SLIT3: variants seen among roughly 807,000 people sequenced by gnomAD.
SLIT3 encodes slit homolog 3 protein.
In SLIT3, 68 loss-of-function variants were observed where a neutral mutation model predicts 184.0. The ratio of observed to expected loss-of-function variants is 0.37; its 90% confidence interval spans 0.30 to 0.45. The LOEUF is 0.45. Ranked by LOEUF, SLIT3 falls within the 20% of genes least tolerant of loss-of-function variation. The pLI is 1.00. For missense variants in SLIT3, 1,707 were observed against 2,026.0 expected, an observed-to-expected ratio of 0.84 and a Z score of 3.02; for synonymous variants, 831 against 828.6, an observed-to-expected ratio of 1.00 and a Z score of -0.05.
In SLIT3 at chr5:168,662,780, CT is replaced by C. The variant is rs1760911992; in HGVS notation, c.*3673del. 1 of 152,256 alleles carries C rather than the reference CT, an allele frequency of 6.6e-6. No homozygotes were observed. Among genetic ancestry groups the C allele is most frequent in the African/African-American group, 2.4e-5 (1 of 41,456 alleles). 9.4% of individuals were successfully genotyped at this position (152,256 alleles called of 1,614,324 possible). ...TCAGGGGGGACACAGCTTGAGCGGC[CT>C]CTTCTGCCCACGTACATTGCCACAC... On this transcript the variant is annotated 3_prime_UTR_variant, in exon 36 of 36. Transcript: ENST00000519560.
At chr5:169,276,947 G>T (rs754431) in intron 1 of SLIT3, among the ~76,000 whole-genome samples, 1 of 152,022 alleles carries the variant, frequency 6.6e-6, no homozygotes, top group East Asian at 1.9e-4. Flanking sequence ...ATTTTTAAGC[G>T]CACAGTTTAG....
At chr5:169,166,320 G>A (rs1032925315) in intron 4 of SLIT3, among the ~76,000 whole-genome samples, 4 of 152,104 alleles carry the variant, frequency 2.6e-5, no homozygotes, top group African/African-American at 4.8e-5. Context: ...TTCTCTCAAC[G>A]TGTTCATGCT....
At chr5:169,246,671 AGCATTTTG>A (rs1369299458) in intron 2 of SLIT3, among the ~76,000 whole-genome samples, 3 of 152,070 alleles carry the variant, frequency 2.0e-5, no homozygotes, top group Non-Finnish European at 4.4e-5. Flanking sequence ...CTGTAATACC[AGCATTTTG>A]GGAGGCTGAG....
rs552777349 is a variant in SLIT3, at chr5:169,120,757, C to T, written c.413+72722G>A. On this transcript the variant is annotated intron_variant, in intron 4 of 35. Coordinates refer to ENST00000519560, the MANE Select transcript of SLIT3 (RefSeq NM_003062.4). ...AGAGCTGCATCCTACCTGTGCTCAGCCCCCAGTAGGTCTTCTATTTTCCCT... is the reference window on the plus strand; with the variant it reads ...AGAGCTGCATCCTACCTGTGCTCAGTCCCCAGTAGGTCTTCTATTTTCCCT... Among the ~76,000 whole-genome samples, 4 of 152,294 alleles carry T rather than the reference C, an allele frequency of 2.6e-5. No homozygotes were observed. In the South Asian group the frequency reaches 6.2e-4, roughly 24 times the overall value.
In SLIT3 at chr5:168,672,205, C is replaced by T. The variant is rs578150344; in HGVS notation, c.3842-722G>A. Among the ~76,000 whole-genome samples the T allele has an allele frequency of 1.1e-4, 17 of 152,274 alleles. No individual in the cohort carries two copies. In the East Asian group the frequency reaches 1.5e-3, roughly 14 times the overall value. ...CCTGGAGCAGGTGGGGCACAGGGCACGGTCCTCCTCCAGGGATAAGTGGTG... is the reference window on the plus strand; with the variant it reads ...CCTGGAGCAGGTGGGGCACAGGGCATGGTCCTCCTCCAGGGATAAGTGGTG... On this transcript the variant is annotated intron_variant, in intron 33 of 35. Coordinates refer to ENST00000519560, the MANE Select transcript of SLIT3 (RefSeq NM_003062.4).
chr5:168,771,170 A>T (rs1755538604), intron 14 of SLIT3, among the ~76,000 whole-genome samples: 1 of 152,132 alleles, frequency 6.6e-6, no homozygotes, highest in Admixed American at 6.5e-5. Flanking sequence ...CAGGGGTAGG[A>T]ATAGAGGCCA....
chr5:168,900,806 T>G (rs2113827029), intron 4 of SLIT3, among the ~76,000 whole-genome samples: 1 of 152,340 alleles, frequency 6.6e-6, no homozygotes, highest in African/African-American at 2.4e-5. Context: ...TCATGTCTTT[T>G]GCAGCAACAT....
chr5:168,722,024 G>C (rs1349458904), intron 23 of SLIT3, among the ~76,000 whole-genome samples: 2 of 152,138 alleles, frequency 1.3e-5, no homozygotes, highest in African/African-American at 4.8e-5. Flanking sequence ...AAGTTGAAGG[G>C]GCTCAGTGAT....
intron 35 of SLIT3, among the ~76,000 whole-genome samples, chr5:168,668,073 C>T (rs557868279): frequency 3.9e-5 from 6 of 152,250 alleles, no homozygotes; most frequent in African/African-American, 1.2e-4. Flanking sequence ...CCTCAAGGCA[C>T]GGGGTGGACT....
At chr5:169,090,959 G>T (rs1316241431) in intron 4 of SLIT3, among the ~76,000 whole-genome samples, 5 of 152,186 alleles carry the variant, frequency 3.3e-5, no homozygotes, top group African/African-American at 1.2e-4. Flanking sequence ...TCCCAAAACA[G>T]CATCCCTGGC....
intron 4 of SLIT3, among the ~76,000 whole-genome samples, chr5:168,997,920 C>T (rs62378628): frequency 0.035 from 5,361 of 152,236 alleles, 119 homozygotes; most frequent in Middle Eastern, 0.051. Flanking sequence ...ATCAGGGCTC[C>T]ATTCTTCATG....
At chr5:168,684,572 C>T (rs941982714) in intron 31 of SLIT3, among the ~76,000 whole-genome samples, 1 of 152,016 alleles carries the variant, frequency 6.6e-6, no homozygotes, top group African/African-American at 2.4e-5. Context: ...TGGGTTCAAG[C>T]GTTTCTGGTG....
intron 22 of SLIT3, among the ~76,000 whole-genome samples, 194 bp downstream of exon 22, chr5:168,722,739 T>G (rs973855361): frequency 3.3e-5 from 5 of 152,254 alleles, no homozygotes; most frequent in African/African-American, 1.2e-4. Context: ...CTAGTTCCTC[T>G]CTAACTGCCT....
At chr5:168,834,083 G>C (rs372240322) in intron 6 of SLIT3, among the ~76,000 whole-genome samples, 3 of 152,294 alleles carry the variant, frequency 2.0e-5, no homozygotes, top group African/African-American at 7.2e-5. Flanking sequence ...GGCAGGGCCG[G>C]CTCTTTTTCT....
intron 4 of SLIT3, among the ~76,000 whole-genome samples, chr5:169,187,354 G>T (rs1218086909): frequency 6.6e-6 from 1 of 151,574 alleles, no homozygotes. Context: ...CTCGTCATCC[G>T]CCCACCTTGG....
At chr5:169,128,283 T>C (rs997635854) in intron 4 of SLIT3, among the ~76,000 whole-genome samples, 1 of 148,118 alleles carries the variant, frequency 6.8e-6, no homozygotes, top group Non-Finnish European at 1.5e-5. Flanking sequence ...TTTATATATA[T>C]ATATATAATT....
At chr5:168,807,787 A>G (rs942353433) in intron 8 of SLIT3, among the ~76,000 whole-genome samples, 2 of 152,166 alleles carry the variant, frequency 1.3e-5, no homozygotes, top group Non-Finnish European at 1.5e-5. Context: ...GGAGAAACTG[A>G]GTCTAGGAAG....
chr5:168,872,555 C>A (rs777343954), intron 5 of SLIT3, among the ~76,000 whole-genome samples: 1 of 151,158 alleles, frequency 6.6e-6, no homozygotes, highest in East Asian at 1.9e-4. Context: ...CCTCAAAATG[C>A]TCTAAAAATA....
intron 4 of SLIT3, among the ~76,000 whole-genome samples, chr5:169,137,227 A>G (rs189990594): frequency 2.6e-5 from 4 of 151,848 alleles, no homozygotes; most frequent in African/African-American, 9.7e-5. Context: ...TTACAAGGAC[A>G]TTTCCTCATT....
Sources: gnomAD v4.1 joint callset for allele counts (sites outside exome capture counted in the v4.1 genomes callset) on GRCh38, gnomAD v4.1.1 for gene constraint, MANE v1.5 for transcripts, NCBI Gene and HGNC (gene_info 2026-07-23, HGNC 2026-07-21) for gene names.